FAM149B1: variants seen among roughly 807,000 people sequenced by gnomAD.
FAM149B1 encodes primary cilium assembly protein FAM149B1.
In FAM149B1, 56 loss-of-function variants were observed where a neutral mutation model predicts 75.3. The ratio of observed to expected loss-of-function variants is 0.74; its 90% confidence interval spans 0.60 to 0.93. The LOEUF is 0.93. FAM149B1 is among the 40% of genes least tolerant of loss of function. The pLI, the probability that FAM149B1 is intolerant of heterozygous loss-of-function variation, is 0.00. For synonymous variants in FAM149B1, 259 were observed against 256.1 expected (o/e 1.01, Z -0.11); for missense variants, 639 against 708.4 (o/e 0.90, Z 1.11).
chr10:73,243,089 C>G lies in FAM149B1; in HGVS notation c.*2070C>G. On this transcript the variant is annotated 3_prime_UTR_variant, in exon 14 of 14. Transcript: ENST00000242505. ...GAAAGCAGCATGAACAGAACCACAT[C>G]CTAGATAAGAGTTCTGTGTACAGAA... 3.5e-6 allele frequency: 1 copy of G among 289,648 alleles called. No individual in the cohort carries two copies. Among genetic ancestry groups the G allele is most frequent in the Non-Finnish European group, 6.5e-6 (1 of 152,688 alleles). 17.9% of individuals were successfully genotyped at this position (289,648 alleles called of 1,614,324 possible). A position where few individuals can be genotyped will look rare whatever the true frequency, so the allele number is the denominator to read the frequency against.
intron 13 of FAM149B1, 117 bp downstream of exon 13, chr10:73,239,501 T>A: frequency 1.4e-6 from 1 of 727,522 alleles, no homozygotes; most frequent in Non-Finnish European, 2.2e-6. Flanking sequence ...TTTAATGTTT[T>A]CCCACATCTT....
At chr10:73,205,334 CCACA>C (rs35008025) in intron 5 of FAM149B1, among the ~76,000 whole-genome samples, 1 of 150,666 alleles carries the variant, frequency 6.6e-6, no homozygotes, top group African/African-American at 2.4e-5. Context: ...CGGCACCTCT[CCACA>C]CACACACACA....
chr10:73,230,751 T>C (rs2043673260), intron 9 of FAM149B1: 2 of 432,750 alleles, frequency 4.6e-6, no homozygotes, highest in East Asian at 8.4e-5. Flanking sequence ...TGTGGCATTT[T>C]TGTAACTGAG....
chr10:73,221,233 C>T (rs932485855), intron 7 of FAM149B1, among the ~76,000 whole-genome samples: 5 of 152,096 alleles, frequency 3.3e-5, no homozygotes, highest in African/African-American at 4.8e-5. Context: ...CACTGAACTG[C>T]ATACTTTAAA....
At chr10:73,177,709 A>G in intron 2 of FAM149B1, 137 bp from the exon 3 acceptor site, 1 of 722,748 alleles carries the variant, frequency 1.4e-6, no homozygotes, top group Non-Finnish European at 2.3e-6. Flanking sequence ...CAAGTTCTTC[A>G]TTTATTTTTG....
chr10:73,190,758 G>T (rs866982486), intron 3 of FAM149B1, among the ~76,000 whole-genome samples: 1 of 148,268 alleles, frequency 6.7e-6, no homozygotes, highest in Non-Finnish European at 1.5e-5. Flanking sequence ...GGTCTCACTT[G>T]GTTACCCAGG....
chr10:73,236,315 G>C (rs11000559), intron 12 of FAM149B1, among the ~76,000 whole-genome samples: 15,959 of 152,086 alleles, frequency 0.1, 1,213 homozygotes, highest in East Asian at 0.31. Flanking sequence ...CCTTTGCAAG[G>C]TCTAGGGAAG....
chr10:73,202,789 C>CA (rs1355381326), intron 5 of FAM149B1, among the ~76,000 whole-genome samples: 20 of 152,048 alleles, frequency 1.3e-4, no homozygotes, highest in African/African-American at 4.8e-4. Flanking sequence ...CTCCTGGGCT[C>CA]AGGTGATCCT....
Position 73,192,553 on chromosome 10 carries a change from T to C in FAM149B1, c.283-3T>C. 6.5e-7 allele frequency: 1 copy of C among 1,549,956 alleles called. No individual in the cohort carries two copies. Among genetic ancestry groups the C allele is most frequent in the Non-Finnish European group, 8.7e-7 (1 of 1,146,538 alleles). On this transcript the variant is annotated splice_region_variant and splice_polypyrimidine_tract_variant and intron_variant, in intron 3 of 13. Transcript: ENST00000242505. ...AATATTTGGGGGGAATATTTTCTTC[T>C]AGGAACTCGATCAAAATGCCACTGA...
chr10:73,211,966 A>C (rs1224944789), intron 7 of FAM149B1, among the ~76,000 whole-genome samples: 1 of 152,066 alleles, frequency 6.6e-6, no homozygotes. Flanking sequence ...CACCTTTCGG[A>C]GTCTCCAGTG....
chr10:73,191,336 CTT>C (rs1344368813), intron 3 of FAM149B1, among the ~76,000 whole-genome samples: 14 of 124,034 alleles, frequency 1.1e-4, no homozygotes, highest in Middle Eastern at 5.0e-3. Flanking sequence ...CCGCCTTGGC[CTT>C]TTTTTTTTTT....
At chr10:73,188,756 GGGAA>G (rs71021548) in intron 3 of FAM149B1, among the ~76,000 whole-genome samples, 47,690 of 129,076 alleles carry the variant, frequency 0.37, 9,263 homozygotes, top group Admixed American at 0.49. Flanking sequence ...GAAGGAAGGA[GGGAA>G]GGAAGGAAGG....
At chr10:73,238,174 G>A (rs565942120) in intron 12 of FAM149B1, among the ~76,000 whole-genome samples, 19 of 152,030 alleles carry the variant, frequency 1.2e-4, no homozygotes, top group South Asian at 1.0e-3. Flanking sequence ...GGTGAAACCC[G>A]TTTCTATTAA....
intron 7 of FAM149B1, among the ~76,000 whole-genome samples, chr10:73,221,784 T>C (rs1589180076): frequency 6.6e-6 from 1 of 152,212 alleles, no homozygotes; most frequent in African/African-American, 2.4e-5. Context: ...CATTTGATCA[T>C]TGATCCCTCA....
intron 3 of FAM149B1, among the ~76,000 whole-genome samples, chr10:73,180,877 A>G (rs1455285239): frequency 2.6e-5 from 4 of 151,932 alleles, no homozygotes; most frequent in Non-Finnish European, 4.4e-5. Flanking sequence ...TTTGTACCCA[A>G]TAACCACCCC....
Position 73,244,406 on chromosome 10 carries a change from A to AGACCTC in FAM149B1, c.*3387_*3388insGACCTC. The AGACCTC allele has an allele frequency of 6.5e-6, 1 of 153,378 alleles. No homozygotes were observed. Among genetic ancestry groups the AGACCTC allele is most frequent in the Non-Finnish European group, 1.4e-5 (1 of 69,042 alleles). 9.5% of individuals were successfully genotyped at this position (153,378 alleles called of 1,614,324 possible). On this transcript the variant is annotated 3_prime_UTR_variant, in exon 14 of 14. Coordinates refer to ENST00000242505, the MANE Select transcript of FAM149B1 (RefSeq NM_173348.2). ...CAGCTACTAGGGAGGCTGAGGTGGG[A>AGACCTC]AGATGGCTTCAGTCTGAGAGTTCAG...
At chr10:73,207,282 G>A (rs2043087253) in intron 5 of FAM149B1, among the ~76,000 whole-genome samples, 1 of 151,564 alleles carries the variant, frequency 6.6e-6, no homozygotes, top group Non-Finnish European at 1.5e-5. Context: ...CAGGCATTCA[G>A]GCCAGGTGCA....
chr10:73,233,746 G>T (rs1055904914), intron 10 of FAM149B1, among the ~76,000 whole-genome samples: 4 of 152,114 alleles, frequency 2.6e-5, no homozygotes, highest in African/African-American at 9.7e-5. Context: ...ACTATATTGG[G>T]GTTACAAAAG....
At chr10:73,192,199 CTTTTT>C (rs35023018) in intron 3 of FAM149B1, 6 of 113,292 alleles carry the variant, frequency 5.3e-5, no homozygotes, top group African/African-American at 8.5e-5. Flanking sequence ...CACGCCTGGC[CTTTTT>C]TTTTTTTTTT....
Sources: allele counts gnomAD v4.1 joint callset (sites outside exome capture counted in the v4.1 genomes callset), GRCh38; gene constraint gnomAD v4.1.1; transcripts MANE v1.5; gene names NCBI Gene and HGNC (gene_info 2026-07-23, HGNC 2026-07-21).